GLG1: variants seen among roughly 807,000 people sequenced by gnomAD.
The protein encoded by GLG1 is Golgi apparatus protein 1.
In GLG1, 38 loss-of-function variants were observed where a neutral mutation model predicts 160.5. The observed-to-expected ratio is 0.24, with a 90% CI of 0.18 to 0.31. The LOEUF (loss-of-function observed/expected upper bound fraction) is 0.31, where lower values mean the gene tolerates loss of function less well. GLG1 is among the 10% of genes least tolerant of loss of function. GLG1 has a pLI of 1.00. For synonymous variants in GLG1, 644 were observed against 543.4 expected, an observed-to-expected ratio of 1.19 and a Z score of -2.57; for missense variants, 1,373 against 1,505.2, an observed-to-expected ratio of 0.91 and a Z score of 1.45.
At chr16:74,480,494 A>C (rs552215398) in intron 10 of GLG1, 100 bp from the exon 11 acceptor site, 1 of 738,446 alleles carries the variant, frequency 1.4e-6, no homozygotes, top group Non-Finnish European at 2.2e-6. Flanking sequence ...ATACTCATTG[A>C]TAATCACTTC....
chr16:74,557,885 A>G (rs2018396431), intron 1 of GLG1, among the ~76,000 whole-genome samples: 2 of 151,970 alleles, frequency 1.3e-5, no homozygotes, highest in African/African-American at 4.8e-5. Flanking sequence ...AGGCCTGGCC[A>G]TAGAAAGTGT....
chr16:74,473,300 G>A (rs2015273877), intron 13 of GLG1, among the ~76,000 whole-genome samples: 3 of 151,492 alleles, frequency 2.0e-5, no homozygotes, highest in Admixed American at 6.6e-5. Context: ...TGCAACCTCC[G>A]CCTCCCGGGT....
chr16:74,544,405 C>T (rs1282481098), intron 1 of GLG1, among the ~76,000 whole-genome samples: 1 of 152,152 alleles, frequency 6.6e-6, no homozygotes, highest in Non-Finnish European at 1.5e-5. Flanking sequence ...CCTCCACCTC[C>T]TAGGTTCACG....
chr16:74,557,859 A>G (rs1319760681), intron 1 of GLG1, among the ~76,000 whole-genome samples: 2 of 151,880 alleles, frequency 1.3e-5, no homozygotes, highest in Non-Finnish European at 2.9e-5. Context: ...TGCTGGGATT[A>G]CAGGCGTGAG....
intron 1 of GLG1, among the ~76,000 whole-genome samples, chr16:74,557,074 T>C (rs920208916): frequency 3.9e-5 from 6 of 152,164 alleles, no homozygotes; most frequent in African/African-American, 1.4e-4. Flanking sequence ...TATTTTTGCA[T>C]CTGACCAGTT....
rs558935435 is a variant in GLG1 at position 74,584,047 on chromosome 16, CA to C, written c.438+22609del. On this transcript the variant is annotated intron_variant, in intron 1 of 25. Coordinates refer to ENST00000422840, the MANE Select transcript of GLG1 (RefSeq NM_001145667.2). The stretch of plus-strand genomic sequence containing the variant: ...TTGGCCCAAGTCTGTTTTGAGGTCT[CA>C]TTGTAACAGCAGCTTTCTCAGCGCC... 2.6e-5 allele frequency among the ~76,000 whole-genome samples: 4 copies of C among 152,312 alleles called. No individual in the cohort carries two copies. The South Asian group carries it at 8.3e-4, about 32-fold the overall frequency.
intron 1 of GLG1, among the ~76,000 whole-genome samples, chr16:74,576,640 G>C (rs576659348): frequency 6.6e-6 from 1 of 152,218 alleles, no homozygotes; most frequent in African/African-American, 2.4e-5. Context: ...GCCCACCTCT[G>C]GTCTGAGATA....
In GLG1 at chr16:74,462,569, G is replaced by A. The variant is rs113910811; in HGVS notation, c.2853C>T (p.His951=). 33 of 1,612,976 alleles carry A rather than the reference G, an allele frequency of 2.0e-5. No homozygotes were observed. In the African/African-American group the frequency reaches 2.1e-4, roughly 10 times the overall value. ...ACKADIPKFC[H]GILTKAKDDS... ...CATCCTTGGCCTTAGTCAGGATACC[G>A]TGACAGAATTTAGGAATGTCAGCTT... Residue 951 remains histidine (H), a synonymous_variant, in exon 21 of 26, where the codon CAC becomes CAT. Transcript: ENST00000422840.
chr16:74,601,058 G>A (rs921850731), intron 1 of GLG1, among the ~76,000 whole-genome samples: 1 of 152,080 alleles, frequency 6.6e-6, no homozygotes, highest in African/African-American at 2.4e-5. Context: ...GACAGCATAG[G>A]AGGAAATTCC....
Position 74,480,392 on chromosome 16 carries a change from A to G in GLG1, c.1676T>C (p.Leu559Pro). ...LQYFISRDWK[L>P]DPVLYRKCQG... ...GCACTTGCGGTACAGGACAGGGTCC[A>G]GCCTATAAGGTTAAGAGTTAAAAGA... Residue 559 changes from leucine to proline, a missense_variant and splice_region_variant, in exon 11 of 26, where the codon CTG (leucine) becomes CCG (proline). Leu to Pro is a moderately conservative substitution (Grantham distance 98). Coordinates refer to ENST00000422840, the MANE Select transcript of GLG1 (RefSeq NM_001145667.2). 1 of 1,608,474 alleles carries G rather than the reference A, an allele frequency of 6.2e-7. No individual in the cohort carries two copies. Among genetic ancestry groups the G allele is most frequent in the Non-Finnish European group, 8.5e-7 (1 of 1,177,176 alleles).
Position 74,465,745 on chromosome 16 carries a change from C to A in GLG1, c.2598G>T (p.Leu866=), listed in dbSNP as rs1188718339. Residue 866 remains leucine (L), a synonymous_variant, in exon 19 of 26, where the codon CTG becomes CTT. Coordinates refer to ENST00000422840, the MANE Select transcript of GLG1 (RefSeq NM_001145667.2). ...STRCHQKVFK[L]QETEMMDPEL... is the part of the protein sequence containing the mutation. Reference sequence around the variant, plus strand: ...CTGGGTCCATCATCTCTGTCTCCTGCAGCTTAAATACTTTTTGGTGGCAGC... The same window carrying A: ...CTGGGTCCATCATCTCTGTCTCCTGAAGCTTAAATACTTTTTGGTGGCAGC... The A allele has an allele frequency of 4.3e-6, 7 of 1,613,282 alleles. No individual in the cohort carries two copies. Among genetic ancestry groups the A allele is most frequent in the Non-Finnish European group, 5.9e-6 (7 of 1,179,372 alleles).
intron 13 of GLG1, among the ~76,000 whole-genome samples, chr16:74,473,473 T>C (rs1253116994): frequency 7.8e-6 from 1 of 128,894 alleles, no homozygotes; most frequent in Non-Finnish European, 1.6e-5. Flanking sequence ...AGAGTCTCGC[T>C]CTGTTGCTCG....
At chr16:74,495,345 C>T (rs989829464) in intron 5 of GLG1, among the ~76,000 whole-genome samples, 3 of 152,124 alleles carry the variant, frequency 2.0e-5, no homozygotes, top group Admixed American at 6.5e-5. Context: ...AACTCCTGAC[C>T]TCAAGTGATC....
intron 1 of GLG1, among the ~76,000 whole-genome samples, chr16:74,556,583 C>G (rs935502067): frequency 5.3e-5 from 8 of 151,906 alleles, no homozygotes; most frequent in Non-Finnish European, 1.2e-4. Flanking sequence ...ACTGGGGAGG[C>G]AGAGGTGTGA....
chr16:74,466,406 C>T (rs1400559021), intron 18 of GLG1, among the ~76,000 whole-genome samples: 1 of 152,182 alleles, frequency 6.6e-6, no homozygotes, highest in African/African-American at 2.4e-5. Context: ...GAAATCTTCC[C>T]TTCCCTAAAC....
chr16:74,506,434 T>A (rs189449953), intron 3 of GLG1, among the ~76,000 whole-genome samples: 233 of 151,036 alleles, frequency 1.5e-3, no homozygotes, highest in African/African-American at 5.3e-3. Context: ...AAAAAAAAAT[T>A]AGCCATGTGT....
intron 1 of GLG1, among the ~76,000 whole-genome samples, chr16:74,593,395 T>C (rs1286283563): frequency 1.3e-5 from 2 of 151,602 alleles, no homozygotes; most frequent in Non-Finnish European, 2.9e-5. Context: ...GCAGTCTTTA[T>C]AGTTTACACC....
rs1432674717 is a variant in GLG1 at position 74,532,138 on chromosome 16, A to C, written c.454T>G (p.Ser152Ala). The change falls in exon 2 of 26, where the codon TCT becomes GCT. Residue 152 changes from serine (S) to alanine (A), a missense_variant. By Grantham distance (99) the Ser-to-Ala change is moderately conservative. Transcript: ENST00000422840. Reference sequence around the variant, plus strand: ...ATACTTACATGATTGCAGTCTGAAGAAATTTCATTTTCAGGCTAGAAGAGA... The same window carrying C: ...ATACTTACATGATTGCAGTCTGAAGCAATTTCATTTTCAGGCTAGAAGAGA... ...QDVREPENEISSDCNHLLWNY... is the reference protein window; with the variant it reads ...QDVREPENEIASDCNHLLWNY... 7.1e-7 allele frequency: 1 copy of C among 1,399,252 alleles called. No homozygotes were observed. The highest frequency in any genetic ancestry group is 1.8e-5 in the South Asian group (1 of 56,678). 86.7% of individuals were successfully genotyped at this position (1,399,252 alleles called of 1,614,324 possible).
At chr16:74,502,762 G>A (rs2016455750) in intron 4 of GLG1, among the ~76,000 whole-genome samples, 1 of 147,026 alleles carries the variant, frequency 6.8e-6, no homozygotes, top group Non-Finnish European at 1.5e-5. Context: ...AGTAGAGACG[G>A]GGTTTCACCG....
Sources: gnomAD v4.1 joint callset for allele counts (sites outside exome capture counted in the v4.1 genomes callset) on GRCh38, gnomAD v4.1.1 for gene constraint, MANE v1.5 for transcripts, NCBI Gene and HGNC (gene_info 2026-07-23, HGNC 2026-07-21) for gene names.